Variants in IFT46 observed in about 807,000 individuals in gnomAD.
IFT46 encodes the protein intraflagellar transport protein 46 homolog.
IFT46 carries 19 observed loss-of-function variants against 39.6 expected under a neutral mutation model. The observed-to-expected ratio is 0.48, with a 90% confidence interval of 0.33 to 0.70. The LOEUF is 0.70. Among genes scored for constraint, IFT46 ranks in the 30% least tolerant of loss-of-function variants. The pLI, the probability that IFT46 is intolerant of heterozygous loss-of-function variation, is 0.01. For missense variants in IFT46, 334 were observed against 364.8 expected, an observed-to-expected ratio of 0.92 and a Z score of 0.69; for synonymous variants, 117 against 134.8, an observed-to-expected ratio of 0.87 and a Z score of 0.91.
At chr11:118,560,058 A>AC (rs56693362) in intron 2 of IFT46, 194 bp from the exon 3 acceptor site, 90,234 of 580,138 alleles carry the variant, frequency 0.16, 9,812 homozygotes, top group East Asian at 0.43. Context: ...ACTAAACATT[A>AC]CTGTGCTTAA....
Position 118,554,120 on chromosome 11 carries a change from G to A in IFT46, c.483+339C>T, listed in dbSNP as rs192998276. Among the ~76,000 whole-genome samples, 1,306 of 148,512 alleles carry A rather than the reference G, an allele frequency of 8.8e-3. 23 individuals are homozygous for A. The highest frequency in any genetic ancestry group is 0.03 in the African/African-American group (1,190 of 40,208). Reference sequence around the variant, plus strand: ...GGCTGGAGTGCAGTGGCATGATCTCGACTCACTGCAAGCTCCGCCTCCCGG... The same window carrying A: ...GGCTGGAGTGCAGTGGCATGATCTCAACTCACTGCAAGCTCCGCCTCCCGG... On this transcript the variant is annotated intron_variant, in intron 7 of 11. Transcript: ENST00000264021.
intron 9 of IFT46, among the ~76,000 whole-genome samples, chr11:118,550,065 G>A (rs980720321): frequency 2.0e-5 from 3 of 151,776 alleles, no homozygotes; most frequent in South Asian, 2.1e-4. Context: ...CTCCCAAGTA[G>A]CTGGGATTAC....
intron 2 of IFT46, chr11:118,560,401 G>T (rs113907001): frequency 1.2e-5 from 2 of 164,958 alleles, no homozygotes; most frequent in African/African-American, 2.6e-5. Context: ...ACTCCAGCCC[G>T]GGCAACAGAG....
At chr11:118,558,925 C>A (rs1206828851) in intron 3 of IFT46, among the ~76,000 whole-genome samples, 33 of 145,156 alleles carry the variant, frequency 2.3e-4, no homozygotes, top group South Asian at 4.4e-4. Context: ...AAAAAAAAAA[C>A]AAACAAAAAA....
upstream of IFT46, among the ~76,000 whole-genome samples, chr11:118,570,199 A>G (rs185356804): frequency 2.3e-3 from 343 of 151,222 alleles, 4 homozygotes; most frequent in Middle Eastern, 0.02. Context: ...GACTACAGGC[A>G]CGCGCCACCA....
chr11:118,548,336 A>G (rs1261737666), intron 9 of IFT46, among the ~76,000 whole-genome samples: 3 of 147,912 alleles, frequency 2.0e-5, no homozygotes, highest in Non-Finnish European at 3.0e-5. Context: ...CATTTCTATG[A>G]GTTTAAACTG....
At chr11:118,548,172 C>G (rs375474219) in intron 9 of IFT46, among the ~76,000 whole-genome samples, 1 of 149,404 alleles carries the variant, frequency 6.7e-6, no homozygotes, top group Non-Finnish European at 1.5e-5. Context: ...TGTGAGCTAC[C>G]GTGCCTGGCC....
chr11:118,548,949 G>A (rs1951759139), intron 9 of IFT46, among the ~76,000 whole-genome samples: 1 of 150,066 alleles, frequency 6.7e-6, no homozygotes, highest in Non-Finnish European at 1.5e-5. Flanking sequence ...CTGGAGTGCA[G>A]TGATGCAATC....
In IFT46 at chr11:118,561,626, A is replaced by G. The variant is rs1285762227; in HGVS notation, c.-35-1762T>C. The G allele has an allele frequency of 1.1e-4, 47 of 445,142 alleles. No homozygotes were observed. In the South Asian group the frequency reaches 1.3e-3, roughly 12 times the overall value. 27.6% of individuals were successfully genotyped at this position (445,142 alleles called of 1,614,324 possible). A position where few individuals can be genotyped will look rare whatever the true frequency, so the allele number is the denominator to read the frequency against. ...GATTTTTCAGATAAAGACGATAAACATATGGACAGAAAAAAAAAAGATTTA... is the reference window on the plus strand; with the variant it reads ...GATTTTTCAGATAAAGACGATAAACGTATGGACAGAAAAAAAAAAGATTTA... On this transcript the variant is annotated intron_variant, in intron 2 of 11. Coordinates refer to ENST00000264021, the MANE Select transcript of IFT46 (RefSeq NM_001168618.2).
chr11:118,571,158 A>G lies in IFT46; in HGVS notation c.-133+1438T>C, dbSNP rs114348865. Among the ~76,000 whole-genome samples the G allele has an allele frequency of 5.8e-3, 885 of 152,040 alleles. 7 individuals are homozygous for G. The highest frequency in any genetic ancestry group is 0.02 in the African/African-American group (818 of 41,458). The stretch of plus-strand genomic sequence containing the variant: ...ACTAAGCTAGTTTCTGTCTCTGTGG[A>G]TTTTCTTCTATTCTGGATCTTTCGT... On this transcript the variant is annotated intron_variant, in intron 1 of 5. Transcript: ENST00000528378.
At chr11:118,557,170 G>C in intron 3 of IFT46, 125 bp from the exon 4 acceptor site, 1 of 856,994 alleles carries the variant, frequency 1.2e-6, no homozygotes, top group Non-Finnish European at 1.6e-6. Flanking sequence ...AAAGAGAAGG[G>C]GGCACTTCCC....
rs372611929 is a variant in IFT46, at chr11:118,545,757, C to G, written c.733+36G>C. 190 of 1,598,668 alleles carry G rather than the reference C, an allele frequency of 1.2e-4. 1 individual carries two copies. The African/African-American group carries it at 2.5e-3, about 21-fold the overall frequency. ...TCCAAAAGCCTAGAGTGTCTCTATC[C>G]AGAGATGGGGACGAGGAAAGGAAAG... is the stretch of plus-strand genomic sequence containing the variant. On this transcript the variant is annotated intron_variant, in intron 10 of 11. Transcript: ENST00000264021.
At chr11:118,558,225 G>C (rs1555069924) in intron 3 of IFT46, among the ~76,000 whole-genome samples, 1 of 152,182 alleles carries the variant, frequency 6.6e-6, no homozygotes, top group African/African-American at 2.4e-5. Context: ...GAACTTTCTA[G>C]AGCATTCTTT....
intron 9 of IFT46, among the ~76,000 whole-genome samples, chr11:118,551,224 AGCATGGTG>A (rs1375914480): frequency 2.0e-5 from 3 of 151,666 alleles, no homozygotes; most frequent in Non-Finnish European, 4.4e-5. Context: ...TACAAAAATT[AGCATGGTG>A]GCATGGTGGC....
chr11:118,576,811 C>T (rs1555073746), upstream of IFT46, among the ~76,000 whole-genome samples: 1 of 152,098 alleles, frequency 6.6e-6, no homozygotes, highest in Non-Finnish European at 1.5e-5. Context: ...CCTTGTTTTG[C>T]TTGTATCTGG....
chr11:118,568,922 C>T (rs797031884), upstream of IFT46, among the ~76,000 whole-genome samples: 12 of 152,014 alleles, frequency 7.9e-5, no homozygotes, highest in South Asian at 2.1e-4. Context: ...TCCCAAAATG[C>T]TGGGATTACA....
chr11:118,557,094 A>G (rs368979090), intron 3 of IFT46, 49 bp from the exon 4 acceptor site: 11 of 1,493,084 alleles, frequency 7.4e-6, no homozygotes, highest in Non-Finnish European at 9.9e-6. Context: ...AAAAAATCAA[A>G]TGTACCTATG....
At chr11:118,546,347 C>T (rs1951685869) in intron 9 of IFT46, 8 of 568,818 alleles carry the variant, frequency 1.4e-5, no homozygotes, top group Admixed American at 9.2e-5. Flanking sequence ...AAAAATTAGC[C>T]GGGTGTGGTG....
chr11:118,573,805 G>T, upstream of IFT46: 1 of 499,624 alleles, frequency 2.0e-6, no homozygotes, highest in East Asian at 3.3e-5. Context: ...GCATCAAACA[G>T]GTTTGCCTCC....
Sources: allele counts gnomAD v4.1 joint callset (sites outside exome capture counted in the v4.1 genomes callset), GRCh38; gene constraint gnomAD v4.1.1; transcripts MANE v1.5; gene names NCBI Gene and HGNC (gene_info 2026-07-23, HGNC 2026-07-21).